GLIS3: variants seen among roughly 807,000 people sequenced by gnomAD.
GLIS3 encodes GLIS family zinc finger 3, also known as zinc finger protein GLIS3.
In GLIS3, 53 loss-of-function variants were observed where a neutral mutation model predicts 78.6. The ratio of observed to expected loss-of-function variants is 0.67; its 90% CI spans 0.54 to 0.85. The LOEUF (loss-of-function observed/expected upper bound fraction) is 0.85, where lower values mean the gene tolerates loss of function less well. Among genes scored for constraint, GLIS3 ranks in the 40% least tolerant of loss-of-function variants. GLIS3 has a pLI of 0.00. For missense variants in GLIS3, 1,703 were observed against 1,231.1 expected, an observed-to-expected ratio of 1.38 and a Z score of -5.74; for synonymous variants, 684 against 509.9, an observed-to-expected ratio of 1.34 and a Z score of -4.60.
At chr9:4,155,351 T>C (rs1195799544) in intron 2 of GLIS3, among the ~76,000 whole-genome samples, 1 of 152,240 alleles carries the variant, frequency 6.6e-6, no homozygotes, top group African/African-American at 2.4e-5. Context: ...CTGGAACCAC[T>C]GACCCATTAC....
intron 6 of GLIS3, among the ~76,000 whole-genome samples, chr9:3,913,471 T>C (rs1343571821): frequency 1.3e-5 from 2 of 152,230 alleles, no homozygotes; most frequent in Admixed American, 6.5e-5. Flanking sequence ...TCATGTCCCA[T>C]GATGGAGGTC....
At chr9:3,878,710 G>GA (rs1245687611) in intron 8 of GLIS3, 7 of 152,746 alleles carry the variant, frequency 4.6e-5, no homozygotes, top group Non-Finnish European at 1.0e-4. Flanking sequence ...GGAGAGGACT[G>GA]AAGCATCCAA....
At chr9:4,246,073 C>T (rs1173262455) in intron 2 of GLIS3, among the ~76,000 whole-genome samples, 1 of 152,050 alleles carries the variant, frequency 6.6e-6, no homozygotes, top group South Asian at 2.1e-4. Context: ...AAGCAATAAA[C>T]CCTCTTAAAA....
At position 4,286,268 on chromosome 9, in the gene GLIS3, C is replaced by T; in HGVS notation, c.158G>A (p.Ser53Asn). The part of the protein sequence containing the change: ...CGSTSSPTMA[S>N]LANNLHLKMP... Reference sequence around the variant, plus strand: ...CTTGAGATGGAGGTTGTTAGCAAGGCTTGCCATAGTGGGACTCGATGTGCT... The same window carrying T: ...CTTGAGATGGAGGTTGTTAGCAAGGTTTGCCATAGTGGGACTCGATGTGCT... Residue 53 changes from serine to asparagine, a missense_variant, in exon 2 of 11, where the codon AGC becomes AAC. By Grantham distance (46) the Ser-to-Asn change is conservative. Transcript: ENST00000381971. The T allele has an allele frequency of 6.2e-7, 1 of 1,614,204 alleles. No homozygotes were observed. Among genetic ancestry groups the T allele is most frequent in the South Asian group, 1.1e-5 (1 of 91,084 alleles).
At chr9:4,069,426 T>C (rs1394288523) in intron 4 of GLIS3, among the ~76,000 whole-genome samples, 1 of 152,202 alleles carries the variant, frequency 6.6e-6, no homozygotes. Context: ...AAGATACCTA[T>C]ATATAAAATC....
intron 2 of GLIS3, among the ~76,000 whole-genome samples, chr9:4,188,208 G>T (rs10974380): frequency 0.41 from 62,234 of 150,170 alleles, 13,104 homozygotes; most frequent in African/African-American, 0.44. Context: ...TAGCATGAAG[G>T]GTTGTTGAAT....
intron 2 of GLIS3, among the ~76,000 whole-genome samples, chr9:4,337,885 A>C (rs558160223): frequency 6.6e-6 from 1 of 152,224 alleles, no homozygotes; most frequent in East Asian, 1.9e-4. Context: ...TGAAAGATGA[A>C]GAAACTGGGG....
the GLIS3 span, among the ~76,000 whole-genome samples, chr9:4,375,263 A>G: frequency 2.6e-5 from 4 of 152,232 alleles, no homozygotes; most frequent in East Asian, 5.8e-4. Context: ...AGAATGACAA[A>G]TATCTCCTTC....
rs539994334 is a variant in GLIS3, at chr9:3,881,837, C to G, written c.2129-2242G>C. The stretch of plus-strand genomic sequence containing the variant: ...TATCGATTTTACCAAAATACCAAGA[C>G]CTATTAGTATAAATCATTGGACAGT... On this transcript the variant is annotated intron_variant, in intron 7 of 10. Coordinates refer to ENST00000381971, the MANE Select transcript of GLIS3 (RefSeq NM_001042413.2). Among the ~76,000 whole-genome samples the G allele has an allele frequency of 2.0e-5, 3 of 152,306 alleles. No homozygotes were observed. In the South Asian group the frequency reaches 6.2e-4, roughly 32 times the overall value.
At chr9:4,102,581 C>G (rs909847084) in intron 4 of GLIS3, among the ~76,000 whole-genome samples, 2 of 152,024 alleles carry the variant, frequency 1.3e-5, no homozygotes, top group Non-Finnish European at 2.9e-5. Flanking sequence ...GCTAAACAAC[C>G]GACAATATCC....
chr9:3,839,493 G>A (rs1818585313), intron 9 of GLIS3, among the ~76,000 whole-genome samples: 1 of 151,874 alleles, frequency 6.6e-6, no homozygotes, highest in African/African-American at 2.4e-5. Flanking sequence ...TATTTACTCA[G>A]AGACAGGCAT....
rs552200084 is a variant in GLIS3, at chr9:4,339,582, T to C, written n.264+7499A>G. ...AACCTCTCCAACCTGTTGCTTCTGG[T>C]CCTTCTGTGATCCGTCTCTGTTGTG... On this transcript the variant is annotated intron_variant and non_coding_transcript_variant, in intron 2 of 4. Coordinates refer to the GLIS3 transcript ENST00000471664. Among the ~76,000 whole-genome samples, 135 of 150,870 alleles carry C rather than the reference T, an allele frequency of 8.9e-4. 1 individual carries two copies. The highest frequency in any genetic ancestry group is 3.0e-3 in the African/African-American group (124 of 41,018).
At chr9:4,239,585 T>C (rs1227197927) in intron 2 of GLIS3, among the ~76,000 whole-genome samples, 1 of 152,224 alleles carries the variant, frequency 6.6e-6, no homozygotes, top group Non-Finnish European at 1.5e-5. Context: ...ACCATACTGA[T>C]GTGCTCTAGC....
chr9:3,905,378 T>A (rs1052480334), intron 6 of GLIS3, among the ~76,000 whole-genome samples: 1 of 152,034 alleles, frequency 6.6e-6, no homozygotes, highest in African/African-American at 2.4e-5. Context: ...TCTGGAAAAG[T>A]CTCTAGCATA....
At chr9:4,221,555 G>A (rs28683166) in intron 2 of GLIS3, among the ~76,000 whole-genome samples, 17,094 of 151,940 alleles carry the variant, frequency 0.11, 1,458 homozygotes, top group African/African-American at 0.24. Flanking sequence ...AATTTCTCTA[G>A]ATTTAATTCA....
intron 8 of GLIS3, among the ~76,000 whole-genome samples, chr9:3,871,775 C>T (rs1820983932): frequency 6.6e-6 from 1 of 152,190 alleles, no homozygotes; most frequent in South Asian, 2.1e-4. Context: ...GCTGTGAAGA[C>T]CTCTGAGATG....
chr9:4,052,898 A>G (rs1168283125), intron 4 of GLIS3, among the ~76,000 whole-genome samples: 1 of 152,186 alleles, frequency 6.6e-6, no homozygotes, highest in Non-Finnish European at 1.5e-5. Flanking sequence ...GGAACTGCCA[A>G]ATGGTGTTCC....
At chr9:4,469,410 A>C in the GLIS3 span, among the ~76,000 whole-genome samples, 7 of 152,194 alleles carry the variant, frequency 4.6e-5, no homozygotes, top group Non-Finnish European at 8.8e-5. Context: ...AGCAAATGTA[A>C]AAGAACAGAA....
chr9:4,059,369 C>G (rs1826430145), intron 4 of GLIS3, among the ~76,000 whole-genome samples: 1 of 152,226 alleles, frequency 6.6e-6, no homozygotes, highest in Non-Finnish European at 1.5e-5. Context: ...GATCTCTGCA[C>G]TGCTGCTCTG....
Sources: gnomAD v4.1 joint callset for allele counts (sites outside exome capture counted in the v4.1 genomes callset) on GRCh38, gnomAD v4.1.1 for gene constraint, MANE v1.5 for transcripts, NCBI Gene and HGNC (gene_info 2026-07-23, HGNC 2026-07-21) for gene names.